Variants in LARGE1 observed in about 807,000 individuals in gnomAD.
The protein encoded by LARGE1 is LARGE xylosyl- and glucuronyltransferase 1.
LARGE1 carries 43 observed loss-of-function variants against 87.6 expected under a neutral mutation model. That is an observed-to-expected ratio of 0.49 (90% CI 0.38 to 0.63). The LOEUF (loss-of-function observed/expected upper bound fraction) is 0.63, where lower values mean the gene tolerates loss of function less well. Ranked by LOEUF, LARGE1 falls within the 30% of genes least tolerant of loss-of-function variation. The pLI is 0.00. For missense variants in LARGE1, 802 were observed against 1,000.2 expected (o/e 0.80, Z 2.67); for synonymous variants, 434 against 394.6 (o/e 1.10, Z -1.18).
intron 11 of LARGE1, among the ~76,000 whole-genome samples, chr22:33,262,193 T>G (rs1927667497): frequency 6.6e-6 from 1 of 152,210 alleles, no homozygotes; most frequent in Admixed American, 6.5e-5. Context: ...ACCCGGCTGT[T>G]CAGTGGTGAG....
At chr22:33,353,487 A>T (rs1293032818) in intron 9 of LARGE1, among the ~76,000 whole-genome samples, 1 of 152,164 alleles carries the variant, frequency 6.6e-6, no homozygotes, top group Non-Finnish European at 1.5e-5. Context: ...TTTGTCAGCA[A>T]ATATTGCAGG....
chr22:33,534,987 G>C (rs540420285), intron 6 of LARGE1, among the ~76,000 whole-genome samples: 1 of 152,292 alleles, frequency 6.6e-6, no homozygotes, highest in Admixed American at 6.5e-5. Context: ...ATGAGCACTT[G>C]GCATATCCCA....
the LARGE1 span, among the ~76,000 whole-genome samples, chr22:33,145,780 C>T: frequency 6.6e-6 from 1 of 152,146 alleles, no homozygotes; most frequent in Non-Finnish European, 1.5e-5. Flanking sequence ...TGGTGAATAG[C>T]TCACCAAATT....
At chr22:33,891,769 C>T (rs1424574940) in intron 1 of LARGE1, among the ~76,000 whole-genome samples, 1 of 152,192 alleles carries the variant, frequency 6.6e-6, no homozygotes, top group Non-Finnish European at 1.5e-5. Flanking sequence ...CTGACAGCAG[C>T]GTAGCTTTAA....
chr22:33,341,703 G>A (rs117307140), intron 9 of LARGE1, among the ~76,000 whole-genome samples: 278 of 152,266 alleles, frequency 1.8e-3, no homozygotes, highest in Middle Eastern at 0.01. Context: ...CAGACCAGCC[G>A]AGGTCTGAAT....
intron 5 of LARGE1, among the ~76,000 whole-genome samples, chr22:33,571,952 A>C (rs1020476908): frequency 1.3e-5 from 2 of 152,134 alleles, no homozygotes; most frequent in Non-Finnish European, 2.9e-5. Context: ...GCAGTTTTTC[A>C]AACAATTAGG....
At chr22:33,898,033 A>G (rs1017161696) in intron 1 of LARGE1, among the ~76,000 whole-genome samples, 1 of 152,210 alleles carries the variant, frequency 6.6e-6, no homozygotes, top group Admixed American at 6.5e-5. Context: ...CAAGAGACCC[A>G]GTCCTGTCAC....
chr22:33,266,434 G>C (rs1257619810), intron 11 of LARGE1, among the ~76,000 whole-genome samples: 1 of 151,438 alleles, frequency 6.6e-6, no homozygotes, highest in Non-Finnish European at 1.5e-5. Flanking sequence ...ATGTTGGTCA[G>C]GATGGTCTTG....
At chr22:33,282,225 A>T (rs758358932) in intron 13 of LARGE1, among the ~76,000 whole-genome samples, 2 of 152,198 alleles carry the variant, frequency 1.3e-5, no homozygotes, top group Non-Finnish European at 2.9e-5. Context: ...CATGCCTGTA[A>T]TCCCAGCTAC....
chr22:33,922,538 G>C (rs991353361), upstream of LARGE1: 9 of 152,154 alleles, frequency 5.9e-5, no homozygotes, highest in African/African-American at 2.2e-4. Flanking sequence ...TGGTACAGCA[G>C]CGTCCCCGGC....
chr22:33,722,997 TACTC>T (rs1315511178), intron 2 of LARGE1, among the ~76,000 whole-genome samples: 3 of 152,110 alleles, frequency 2.0e-5, no homozygotes, highest in Non-Finnish European at 2.9e-5. Context: ...TATCTGGCCT[TACTC>T]ACTTGCTTTC....
chr22:33,247,709 A>G (rs1032430448), intron 11 of LARGE1, among the ~76,000 whole-genome samples: 1 of 152,246 alleles, frequency 6.6e-6, no homozygotes, highest in Admixed American at 6.5e-5. Flanking sequence ...TGTTCTTATA[A>G]GTATGAATGG....
At chr22:33,509,379 G>A (rs2070936137) in intron 6 of LARGE1, among the ~76,000 whole-genome samples, 1 of 152,140 alleles carries the variant, frequency 6.6e-6, no homozygotes, top group Non-Finnish European at 1.5e-5. Context: ...TTGTCTTGGA[G>A]GTCCCAAGCA....
At chr22:33,205,479 TAAAC>T (rs1489598119) in intron 11 of LARGE1, among the ~76,000 whole-genome samples, 1 of 152,158 alleles carries the variant, frequency 6.6e-6, no homozygotes, top group Non-Finnish European at 1.5e-5. Flanking sequence ...AAATAGCACA[TAAAC>T]AAATAAATAA....
At chr22:33,643,399 G>A (rs1335224214) in intron 3 of LARGE1, among the ~76,000 whole-genome samples, 1 of 152,202 alleles carries the variant, frequency 6.6e-6, no homozygotes, top group Admixed American at 6.5e-5. Flanking sequence ...CTAAAGCAGT[G>A]TTTATAGGGA....
intron 2 of LARGE1, among the ~76,000 whole-genome samples, chr22:33,656,450 G>A (rs1271592783): frequency 2.6e-5 from 4 of 152,108 alleles, no homozygotes. Flanking sequence ...TGGGAATTAT[G>A]GGGGCTACAA....
rs796646074 is a variant in LARGE1 at position 33,690,774 on chromosome 22, G to GC, written c.107-40107dup. The stretch of plus-strand genomic sequence containing the variant: ...GGGCTGTCTCCATCTGACATTAGGG[G>GC]CCCCGCTAGCTGATGAGGCTGGCAC... On this transcript the variant is annotated intron_variant, in intron 2 of 14. Transcript: ENST00000397394. 1.7e-4 allele frequency among the ~76,000 whole-genome samples: 26 copies of GC among 152,140 alleles called. 1 individual carries two copies. The highest frequency in any genetic ancestry group is 5.3e-4 in the African/African-American group (22 of 41,510).
chr22:33,869,736 A>G (rs762378730), intron 1 of LARGE1, among the ~76,000 whole-genome samples: 33 of 152,190 alleles, frequency 2.2e-4, no homozygotes, highest in Non-Finnish European at 4.4e-4. Flanking sequence ...AGATGAGGCA[A>G]TGCAGACCAG....
chr22:33,901,394 T>A (rs2065279300), intron 1 of LARGE1, among the ~76,000 whole-genome samples: 1 of 152,180 alleles, frequency 6.6e-6, no homozygotes, highest in Non-Finnish European at 1.5e-5. Flanking sequence ...AGTAAGCACC[T>A]TACCCAAGGG....
Sources: gnomAD v4.1 joint callset for allele counts (sites outside exome capture counted in the v4.1 genomes callset) on GRCh38, gnomAD v4.1.1 for gene constraint, MANE v1.5 for transcripts, NCBI Gene and HGNC (gene_info 2026-07-23, HGNC 2026-07-21) for gene names.